EPHA5: variants seen among roughly 807,000 people sequenced by gnomAD.
EPHA5 encodes EPH receptor A5.
A neutral mutation model predicts 105.0 loss-of-function variants in EPHA5; 60 were observed. The observed-to-expected ratio is 0.57, with a 90% CI of 0.46 to 0.71. The LOEUF is 0.71. EPHA5 is among the 30% of genes least tolerant of loss of function. EPHA5 has a pLI of 0.00. For missense variants in EPHA5, 1,218 were observed against 1,274.7 expected (o/e 0.96, Z 0.68); for synonymous variants, 513 against 449.1 (o/e 1.14, Z -1.80).
intron 3 of EPHA5, among the ~76,000 whole-genome samples, chr4:65,588,120 G>A (rs1198578069): frequency 5.3e-5 from 8 of 152,106 alleles, no homozygotes; most frequent in Non-Finnish European, 1.2e-4. Flanking sequence ...GCTTTCAGTT[G>A]CCCCTGAAAC....
At chr4:65,572,177 T>G (rs566355874) in intron 3 of EPHA5, among the ~76,000 whole-genome samples, 81 of 152,230 alleles carry the variant, frequency 5.3e-4, no homozygotes, top group African/African-American at 1.9e-3. Context: ...AGCAATAAAA[T>G]TATTAAATGA....
intron 3 of EPHA5, among the ~76,000 whole-genome samples, chr4:65,511,227 G>A (rs561310160): frequency 6.6e-6 from 1 of 152,176 alleles, no homozygotes; most frequent in Admixed American, 6.5e-5. Flanking sequence ...AAAGTACAGG[G>A]TGGAGATGTG....
At chr4:65,419,582 C>T (rs1466797980) in intron 6 of EPHA5, among the ~76,000 whole-genome samples, 1 of 152,094 alleles carries the variant, frequency 6.6e-6, no homozygotes, top group Non-Finnish European at 1.5e-5. Context: ...TTTGGGTACC[C>T]ATCTATCTTT....
intron 3 of EPHA5, among the ~76,000 whole-genome samples, chr4:65,573,104 A>G (rs999539266): frequency 6.6e-6 from 1 of 151,350 alleles, no homozygotes; most frequent in African/African-American, 2.4e-5. Flanking sequence ...ATAGTTTTCA[A>G]AAGCTTTGAA....
chr4:65,605,041 G>A (rs974485823), intron 2 of EPHA5, among the ~76,000 whole-genome samples: 8 of 152,180 alleles, frequency 5.3e-5, no homozygotes, highest in African/African-American at 1.7e-4. Flanking sequence ...ATTATTCAAT[G>A]CCATCCCCTG....
At chr4:65,390,115 T>C (rs13111485) in intron 8 of EPHA5, among the ~76,000 whole-genome samples, 24,715 of 152,000 alleles carry the variant, frequency 0.16, 2,391 homozygotes, top group East Asian at 0.28. Flanking sequence ...CTTGAAAACC[T>C]CTCTGGCTGG....
intron 5 of EPHA5, among the ~76,000 whole-genome samples, chr4:65,430,668 C>T (rs997951711): frequency 5.3e-5 from 8 of 152,040 alleles, no homozygotes; most frequent in African/African-American, 1.9e-4. Flanking sequence ...TCCAAGTTCA[C>T]CCCACCAGGA....
intron 5 of EPHA5, among the ~76,000 whole-genome samples, chr4:65,482,692 G>A (rs1221337448): frequency 1.3e-5 from 2 of 152,072 alleles, no homozygotes; most frequent in Admixed American, 1.3e-4. Flanking sequence ...TGTTAATAGT[G>A]TTCACACTTG....
intron 2 of EPHA5, among the ~76,000 whole-genome samples, chr4:65,604,453 C>A (rs1744033466): frequency 6.6e-6 from 1 of 151,978 alleles, no homozygotes; most frequent in African/African-American, 2.4e-5. Context: ...TTTCAAGTAC[C>A]CAAAACATAA....
chr4:65,609,800 CAGTT>C (rs1744594221), intron 2 of EPHA5, among the ~76,000 whole-genome samples: 1 of 151,548 alleles, frequency 6.6e-6, no homozygotes, highest in African/African-American at 2.4e-5. Context: ...ACAATTAGAA[CAGTT>C]TATGATTTAA....
rs1417088617 is a variant in EPHA5, at chr4:65,335,976, T to G, written c.2745A>C (p.Ile915=). 6.2e-7 allele frequency: 1 copy of G among 1,612,884 alleles called. No individual in the cohort carries two copies. Among genetic ancestry groups the G allele is most frequent in the East Asian group, 2.2e-5 (1 of 44,824 alleles). ...GCGTCTTCAGACTACTTGGGTTACGTATCAGCTTGTCCAACATGTTGACTA... is the reference window on the plus strand; with the variant it reads ...GCGTCTTCAGACTACTTGGGTTACGGATCAGCTTGTCCAACATGTTGACTA... The part of the protein sequence containing the change: ...DEIVNMLDKL[I]RNPSSLKTLV... The change falls in exon 15 of 17, where the codon ATA becomes ATC. Residue 915 remains isoleucine, a synonymous_variant. Coordinates refer to ENST00000613740, the MANE Select transcript of EPHA5 (RefSeq NM_001281766.3).
At chr4:65,507,531 C>T (rs1733165606) in intron 3 of EPHA5, among the ~76,000 whole-genome samples, 1 of 152,132 alleles carries the variant, frequency 6.6e-6, no homozygotes, top group Admixed American at 6.6e-5. Flanking sequence ...TTTGTAACCT[C>T]TTTTATTTCA....
chr4:65,515,011 A>C (rs188567448), intron 3 of EPHA5, among the ~76,000 whole-genome samples: 1 of 152,162 alleles, frequency 6.6e-6, no homozygotes, highest in East Asian at 1.9e-4. Context: ...CCACAATCTC[A>C]ATTTTAGACA....
At chr4:65,582,859 C>T (rs1384455995) in intron 3 of EPHA5, among the ~76,000 whole-genome samples, 1 of 151,686 alleles carries the variant, frequency 6.6e-6, no homozygotes, top group Non-Finnish European at 1.5e-5. Context: ...TCATTTGATT[C>T]TATAACTTAG....
At chr4:65,389,980 C>A (rs547983275) in intron 8 of EPHA5, among the ~76,000 whole-genome samples, 1 of 152,102 alleles carries the variant, frequency 6.6e-6, no homozygotes, top group East Asian at 1.9e-4. Flanking sequence ...GAAAAAAAAA[C>A]TACACTAAAC....
At chr4:65,579,369 TATATATAA>T (rs1412998256) in intron 3 of EPHA5, among the ~76,000 whole-genome samples, 1 of 146,952 alleles carries the variant, frequency 6.8e-6, no homozygotes, top group Non-Finnish European at 1.5e-5. Context: ...TATATATATA[TATATATAA>T]ATATATATAT....
chr4:65,542,430 G>A (rs1198017368), intron 3 of EPHA5, among the ~76,000 whole-genome samples: 1 of 152,014 alleles, frequency 6.6e-6, no homozygotes, highest in Non-Finnish European at 1.5e-5. Flanking sequence ...TACTATCAGA[G>A]AATACTGTAA....
chr4:65,420,520 T>C lies in EPHA5; in HGVS notation c.1448A>G (p.Asn483Ser), dbSNP rs1229443873. 1 of 1,613,200 alleles carries C rather than the reference T, an allele frequency of 6.2e-7. No homozygotes were observed. Among genetic ancestry groups the C allele is most frequent in the Non-Finnish European group, 8.5e-7 (1 of 1,179,570 alleles). ...TNVKKGKIAK[N>S]SISLSWQEPD... ...TTCTTGCCAAGACAAAGAGATGCTG[T>C]TTTTTGCAATTTTCCCTTTTTTCAC... Residue 483 changes from asparagine (N) to serine (S), a missense_variant, in exon 6 of 17, where the codon AAC becomes AGC. This residue lies in a region of EPHA5 where 971 missense variants were observed against 1,013.5 expected (regional missense o/e 0.96). Transcript: ENST00000613740.
intron 5 of EPHA5, among the ~76,000 whole-genome samples, chr4:65,484,203 T>G (rs1331636790): frequency 6.6e-6 from 1 of 152,172 alleles, no homozygotes; most frequent in African/African-American, 2.4e-5. Flanking sequence ...TGCCGCTTTT[T>G]GGCAGAAGCA....
Sources: gnomAD v4.1 joint callset for allele counts (sites outside exome capture counted in the v4.1 genomes callset) on GRCh38, gnomAD v4.1.1 for gene constraint, gnomAD v4.1.1 regional missense constraint, MANE v1.5 for transcripts, NCBI Gene and HGNC (gene_info 2026-07-23, HGNC 2026-07-21) for gene names.